The following PRKCZ variants were observed in gnomAD, a reference collection of about 807,000 sequenced individuals.
PRKCZ encodes protein kinase C zeta type.
Under a neutral mutation model 79.5 loss-of-function variants are expected in PRKCZ, and 33 were observed. That is an observed-to-expected ratio of 0.41 (90% CI 0.31 to 0.55). The LOEUF is 0.55. Ranked by LOEUF, PRKCZ falls within the 20% of genes least tolerant of loss-of-function variation. PRKCZ has a pLI of 0.19. For missense variants in PRKCZ, 578 were observed against 813.5 expected (o/e 0.71, Z 3.52); for synonymous variants, 342 against 320.9 (o/e 1.07, Z -0.70).
chr1:2,116,919 A>C (rs757390677), intron 4 of PRKCZ, among the ~76,000 whole-genome samples: 5 of 152,076 alleles, frequency 3.3e-5, no homozygotes, highest in Non-Finnish European at 7.3e-5. Context: ...ATCCGTGAAC[A>C]TATCTTTAGG....
intron 4 of PRKCZ, among the ~76,000 whole-genome samples, chr1:2,079,222 G>C (rs116400296): frequency 6.6e-6 from 1 of 152,168 alleles, no homozygotes; most frequent in African/African-American, 2.4e-5. Context: ...TATTCGTCCC[G>C]GCTGAGAAGC....
intron 4 of PRKCZ, among the ~76,000 whole-genome samples, chr1:2,061,087 G>T (rs570877272): frequency 6.6e-6 from 1 of 152,348 alleles, no homozygotes; most frequent in East Asian, 1.9e-4. Context: ...TTTATAGGAG[G>T]GGACCCACGG....
rs1663769225 is a variant in PRKCZ, at chr1:2,082,649, T to C, written c.334+23058T>C. On this transcript the variant is annotated intron_variant, in intron 4 of 17. Coordinates refer to ENST00000378567, the MANE Select transcript of PRKCZ (RefSeq NM_002744.6). The surrounding 1 kb of genome is among the most constrained non-coding windows in gnomAD (Gnocchi z 4.4). ...TGGAGGGGTTCAGTGAAGGTGGAGT[T>C]GGGCAAGGGCGTACACGGTCGGCTT... is the stretch of plus-strand genomic sequence containing the variant. Among the ~76,000 whole-genome samples, 1 of 152,086 alleles carries C rather than the reference T, an allele frequency of 6.6e-6. No homozygotes were observed. The highest frequency in any genetic ancestry group is 1.5e-5 in the Non-Finnish European group (1 of 68,008).
At chr1:2,132,693 T>G (rs988682822) in intron 4 of PRKCZ, among the ~76,000 whole-genome samples, 5 of 152,252 alleles carry the variant, frequency 3.3e-5, no homozygotes, top group Non-Finnish European at 5.9e-5. Flanking sequence ...CCACGGGCCC[T>G]TTGTCTCTCA....
At chr1:2,160,252 T>C (rs1421600694) in intron 10 of PRKCZ, among the ~76,000 whole-genome samples, 1 of 151,784 alleles carries the variant, frequency 6.6e-6, no homozygotes, top group Admixed American at 6.6e-5. Flanking sequence ...TGTGTGTGTG[T>C]GTGTGTGTGT....
intron 6 of PRKCZ, chr1:2,144,625 G>T (rs980674402): frequency 3.2e-6 from 4 of 1,244,796 alleles, no homozygotes; most frequent in Non-Finnish European, 4.1e-6. Flanking sequence ...CGGAGGTAAG[G>T]TTCATTCATA....
At chr1:2,071,234 T>A (rs1571157494) in intron 4 of PRKCZ, 2 of 314,084 alleles carry the variant, frequency 6.4e-6, no homozygotes, top group Non-Finnish European at 1.3e-5. Flanking sequence ...CTCGACAGGG[T>A]TTAGAGGAGC....
Position 2,150,992 on chromosome 1 carries a change from C to A in PRKCZ, c.876+14C>A. 6.2e-7 allele frequency: 1 copy of A among 1,612,188 alleles called. No homozygotes were observed. Among genetic ancestry groups the A allele is most frequent in the African/African-American group, 1.3e-5 (1 of 75,000 alleles). On this transcript the variant is annotated intron_variant, in intron 9 of 17. Coordinates refer to ENST00000378567, the MANE Select transcript of PRKCZ (RefSeq NM_002744.6). ...CATGATGACGAGGTAGGTGCCGCTT[C>A]TCATGGGGCCCGGGGGCCCGGGAAC...
chr1:2,121,703 C>T (rs1292611968), intron 4 of PRKCZ, among the ~76,000 whole-genome samples: 2 of 41,784 alleles, frequency 4.8e-5, no homozygotes, highest in African/African-American at 1.3e-4. Flanking sequence ...TGGTTAGGGT[C>T]ACGGTGGTAG....
intron 16 of PRKCZ, among the ~76,000 whole-genome samples, chr1:2,180,221 C>T (rs533891797): frequency 2.6e-5 from 4 of 152,308 alleles, no homozygotes; most frequent in African/African-American, 7.2e-5. Flanking sequence ...ACAGGGCAGG[C>T]GTGGGGCCTC....
chr1:2,075,936 G>A lies in PRKCZ; in HGVS notation c.334+16345G>A, dbSNP rs1182728285. On this transcript the variant is annotated intron_variant, in intron 4 of 17. Coordinates refer to ENST00000378567, the MANE Select transcript of PRKCZ (RefSeq NM_002744.6). The surrounding 1 kb of genome is among the most constrained non-coding windows in gnomAD (Gnocchi z 4.8). The stretch of plus-strand genomic sequence containing the variant: ...GTTTCTGATCGCCGAGGACTCAGCC[G>A]GGCACATGGAGGTTGAACTGTTGGG... 6.6e-6 allele frequency among the ~76,000 whole-genome samples: 1 copy of A among 152,206 alleles called. No individual in the cohort carries two copies. The highest frequency in any genetic ancestry group is 1.5e-5 in the Non-Finnish European group (1 of 68,040).
intron 5 of PRKCZ, among the ~76,000 whole-genome samples, chr1:2,138,445 G>C (rs994502228): frequency 1.3e-5 from 2 of 152,170 alleles, no homozygotes; most frequent in African/African-American, 4.8e-5. Flanking sequence ...TGGCAGGGAA[G>C]CCCACTCAGT....
Position 2,148,899 on chromosome 1 carries a change from A to G in PRKCZ, c.662A>G (p.His221Arg), listed in dbSNP as rs754834225. ...GCTTACATTTCCTCATCCCGGAAGCATGACAGCATTAAAGACGACTCGGAG... is the reference window on the plus strand; with the variant it reads ...GCTTACATTTCCTCATCCCGGAAGCGTGACAGCATTAAAGACGACTCGGAG... ...GIAYISSSRK[H>R]DSIKDDSEDL... is the part of the protein sequence containing the mutation. Residue 221 changes from histidine to arginine, a missense_variant, in exon 8 of 18, where the codon CAT becomes CGT. Physicochemically the swap from His to Arg is conservative, Grantham distance 29. Transcript: ENST00000378567. The G allele has an allele frequency of 1.9e-6, 3 of 1,613,996 alleles. No individual in the cohort carries two copies. The highest frequency in any genetic ancestry group is 2.2e-5 in the East Asian group (1 of 44,888).
chr1:2,086,878 A>G (rs1378669142), intron 4 of PRKCZ, among the ~76,000 whole-genome samples: 1 of 152,246 alleles, frequency 6.6e-6, no homozygotes, highest in East Asian at 1.9e-4. Context: ...CCAGGGCAGC[A>G]GACCCAGCCA....
Position 2,056,586 on chromosome 1 carries a change from G to T in PRKCZ, c.283+13G>T. ...CTCATCATTCATGGTTAGTGGCGGG[G>T]TCTGTGGTGGGCAGCTCTGGGGGGC... On this transcript the variant is annotated intron_variant, in intron 3 of 17. Coordinates refer to ENST00000378567, the MANE Select transcript of PRKCZ (RefSeq NM_002744.6). 1 of 1,610,532 alleles carries T rather than the reference G, an allele frequency of 6.2e-7. No homozygotes were observed.
intron 4 of PRKCZ, among the ~76,000 whole-genome samples, chr1:2,078,868 A>T (rs1571209076): frequency 8.2e-6 from 1 of 122,234 alleles, no homozygotes; most frequent in Admixed American, 9.4e-5. Context: ...TTTGAGATGG[A>T]GTCTTGCTCT....
intron 10 of PRKCZ, chr1:2,156,825 T>G (rs1035800022): frequency 2.6e-5 from 4 of 152,420 alleles, no homozygotes; most frequent in African/African-American, 7.2e-5. Flanking sequence ...TCATGCAGGC[T>G]GCACACGAAC....
intron 4 of PRKCZ, among the ~76,000 whole-genome samples, chr1:2,096,666 C>G (rs1462110432): frequency 1.3e-5 from 2 of 152,156 alleles, no homozygotes; most frequent in Non-Finnish European, 1.5e-5. Flanking sequence ...CGGAGCGGCC[C>G]TGGGCTCTGC....
chr1:2,171,249 A>G (rs1684367077), intron 11 of PRKCZ, among the ~76,000 whole-genome samples: 1 of 149,518 alleles, frequency 6.7e-6, no homozygotes, highest in Non-Finnish European at 1.5e-5. Context: ...AGGCTGAGGC[A>G]GGAGAATGGC....
Sources: gnomAD v4.1 joint callset for allele counts (sites outside exome capture counted in the v4.1 genomes callset) on GRCh38, gnomAD v4.1.1 for gene constraint, Gnocchi (gnomAD v3.1) non-coding constraint, MANE v1.5 for transcripts, NCBI Gene and HGNC (gene_info 2026-07-23, HGNC 2026-07-21) for gene names.